Variants in MCF2L2 observed in about 807,000 individuals in gnomAD.
MCF2L2 encodes the protein MCF.2 cell line derived transforming sequence-like 2.
In MCF2L2, 102 loss-of-function variants were observed where a neutral mutation model predicts 150.2. The observed-to-expected ratio is 0.68, with a 90% CI of 0.58 to 0.80. The LOEUF (loss-of-function observed/expected upper bound fraction) is 0.80, where lower values mean the gene tolerates loss of function less well. Among genes scored for constraint, MCF2L2 ranks in the 30% least tolerant of loss-of-function variants. The probability of loss-of-function intolerance (pLI) is 0.00; values close to 1 mark genes in which losing one functional copy is unlikely to be tolerated. For synonymous variants in MCF2L2, 465 were observed against 491.3 expected (o/e 0.95, Z 0.71); for missense variants, 1,256 against 1,372.8 (o/e 0.91, Z 1.34).
intron 8 of MCF2L2, 149 bp from the exon 9 acceptor site, chr3:183,311,178 T>C: frequency 3.4e-6 from 2 of 596,902 alleles, no homozygotes; most frequent in Admixed American, 2.9e-5. Context: ...CACCTATGCC[T>C]TTCTTCTGGC....
chr3:183,407,723 A>G lies in MCF2L2; in HGVS notation c.77-17944T>C, dbSNP rs147098945. ...GAATTTTCCTTCTCATTTCTGCAGAATATGTCAAGGTCTAAAATCCCATTT... is the reference window on the plus strand; with the variant it reads ...GAATTTTCCTTCTCATTTCTGCAGAGTATGTCAAGGTCTAAAATCCCATTT... On this transcript the variant is annotated intron_variant, in intron 1 of 29. Transcript: ENST00000328913. Among the ~76,000 whole-genome samples the G allele has an allele frequency of 1.9e-3, 295 of 152,306 alleles. 1 individual carries two copies. The highest frequency in any genetic ancestry group is 6.8e-3 in the African/African-American group (282 of 41,562).
intron 26 of MCF2L2, among the ~76,000 whole-genome samples, chr3:183,193,540 G>A (rs1576911445): frequency 6.6e-6 from 1 of 151,950 alleles, no homozygotes; most frequent in East Asian, 1.9e-4. Flanking sequence ...TAGTAGAGAC[G>A]AGGTTTCACC....
intron 2 of MCF2L2, 129 bp downstream of exon 2, chr3:183,389,567 C>G: frequency 1.4e-6 from 1 of 738,032 alleles, no homozygotes; most frequent in South Asian, 1.7e-5. Flanking sequence ...TCAGCCTGTT[C>G]TAGTCCCGGG....
At chr3:183,242,103 T>C (rs922764166) in intron 15 of MCF2L2, among the ~76,000 whole-genome samples, 1 of 152,186 alleles carries the variant, frequency 6.6e-6, no homozygotes, top group Admixed American at 6.5e-5. Context: ...GTCACTTGAG[T>C]GCTGTTAAAA....
intron 15 of MCF2L2, among the ~76,000 whole-genome samples, chr3:183,256,941 G>A (rs986879638): frequency 3.9e-5 from 6 of 152,220 alleles, no homozygotes; most frequent in Middle Eastern, 3.4e-3. Context: ...CAGTATTTGC[G>A]ATGTGTTAAA....
At chr3:183,206,509 C>T (rs192292360) in intron 23 of MCF2L2, among the ~76,000 whole-genome samples, 430 of 152,306 alleles carry the variant, frequency 2.8e-3, no homozygotes, top group Non-Finnish European at 4.4e-3. Flanking sequence ...TCTCCTTCAA[C>T]GTGTATTTTA....
chr3:183,384,780 G>A (rs1455514772), intron 2 of MCF2L2, among the ~76,000 whole-genome samples: 2 of 152,188 alleles, frequency 1.3e-5, no homozygotes, highest in African/African-American at 4.8e-5. Flanking sequence ...TGTCTGGGCA[G>A]CAGGCAAGGT....
chr3:183,303,520 C>T (rs1489624792), intron 10 of MCF2L2, among the ~76,000 whole-genome samples: 2 of 152,198 alleles, frequency 1.3e-5, no homozygotes, highest in Admixed American at 6.5e-5. Flanking sequence ...CATCTTGCCC[C>T]TCTCTTAACT....
intron 22 of MCF2L2, among the ~76,000 whole-genome samples, chr3:183,212,401 A>G (rs1722764100): frequency 6.6e-6 from 1 of 152,202 alleles, no homozygotes; most frequent in Non-Finnish European, 1.5e-5. Context: ...GAACTCAGAG[A>G]TGGAACATAG....
chr3:183,395,907 G>T (rs1714412663), intron 1 of MCF2L2, among the ~76,000 whole-genome samples: 4 of 108,512 alleles, frequency 3.7e-5, no homozygotes, highest in South Asian at 3.1e-4. Flanking sequence ...AACAGCGCAA[G>T]ACATCGTCTC....
chr3:183,303,321 T>C (rs575229514), intron 10 of MCF2L2, among the ~76,000 whole-genome samples: 1 of 152,312 alleles, frequency 6.6e-6, no homozygotes, highest in Admixed American at 6.5e-5. Context: ...ATGAGCTACA[T>C]GATGCGGTGA....
At chr3:183,272,220 A>G (rs1726838633) in intron 15 of MCF2L2, 1 of 999,840 alleles carries the variant, frequency 1.0e-6, no homozygotes, top group Non-Finnish European at 1.2e-6. Flanking sequence ...TATTTTACAA[A>G]GCAGGATAAA....
intron 2 of MCF2L2, among the ~76,000 whole-genome samples, chr3:183,382,094 T>C (rs1280017181): frequency 2.0e-5 from 3 of 151,862 alleles, no homozygotes; most frequent in African/African-American, 2.4e-5. Flanking sequence ...AATCTCGCTC[T>C]GTCACCCAGG....
At chr3:183,409,427 G>A (rs937521217) in intron 1 of MCF2L2, among the ~76,000 whole-genome samples, 2 of 151,930 alleles carry the variant, frequency 1.3e-5, no homozygotes, top group Non-Finnish European at 2.9e-5. Flanking sequence ...ACCTGCTTAA[G>A]CCTCAAATTT....
chr3:183,418,524 A>G (rs189990672), intron 1 of MCF2L2, among the ~76,000 whole-genome samples: 3 of 152,360 alleles, frequency 2.0e-5, no homozygotes, highest in African/African-American at 7.2e-5. Flanking sequence ...CCTTCTGCCT[A>G]TGAGCCTGTA....
chr3:183,297,403 A>C, intron 11 of MCF2L2: 1 of 471,656 alleles, frequency 2.1e-6, no homozygotes, highest in Non-Finnish European at 3.8e-6. Context: ...GGTCAGCAAA[A>C]TGAGTCTCTT....
intron 3 of MCF2L2, chr3:183,379,018 A>G: frequency 2.7e-6 from 1 of 364,326 alleles, no homozygotes; most frequent in Non-Finnish European, 4.9e-6. Flanking sequence ...TAAGGAACAA[A>G]GGCAACACAG....
intron 3 of MCF2L2, among the ~76,000 whole-genome samples, chr3:183,343,177 C>T (rs993351121): frequency 1.3e-5 from 2 of 152,062 alleles, no homozygotes; most frequent in South Asian, 2.1e-4. Flanking sequence ...AAGTTAAAAG[C>T]TCATATTTTT....
intron 5 of MCF2L2, among the ~76,000 whole-genome samples, chr3:183,333,961 CAAAAAAAAAAA>C (rs57368442): frequency 3.2e-5 from 3 of 95,014 alleles, no homozygotes; most frequent in South Asian, 3.7e-4. Flanking sequence ...AAGGAAGTGC[CAAAAAAAAAAA>C]AAAAAAAAAT....
Sources: gnomAD v4.1 joint callset for allele counts (sites outside exome capture counted in the v4.1 genomes callset) on GRCh38, gnomAD v4.1.1 for gene constraint, MANE v1.5 for transcripts, NCBI Gene and HGNC (gene_info 2026-07-23, HGNC 2026-07-21) for gene names.